The following SYNE2 variants were observed in gnomAD, a reference collection of about 807,000 sequenced individuals.
The protein encoded by SYNE2 is spectrin repeat containing nuclear envelope protein 2.
In SYNE2, 431 loss-of-function variants were observed where a neutral mutation model predicts 856.3. The ratio of observed to expected loss-of-function variants is 0.50; its 90% CI spans 0.47 to 0.55. The LOEUF is 0.55. Among genes scored for constraint, SYNE2 ranks in the 20% least tolerant of loss-of-function variants. The pLI, the probability that SYNE2 is intolerant of heterozygous loss-of-function variation, is 0.00. For synonymous variants in SYNE2, 2,923 were observed against 2,872.3 expected, an observed-to-expected ratio of 1.02 and a Z score of -0.56; for missense variants, 8,129 against 8,023.2, an observed-to-expected ratio of 1.01 and a Z score of -0.50.
chr14:63,918,742 A>T (rs1343200672), intron 2 of SYNE2, among the ~76,000 whole-genome samples: 1 of 152,190 alleles, frequency 6.6e-6, no homozygotes, highest in Non-Finnish European at 1.5e-5. Context: ...GGATTTCATC[A>T]GTGGTGTTGT....
intron 97 of SYNE2, 27 bp downstream of exon 97, chr14:64,186,606 C>T: frequency 1.9e-6 from 3 of 1,613,894 alleles, no homozygotes; most frequent in Non-Finnish European, 2.5e-6. Context: ...CAGGGCACGG[C>T]TGTTTGGGAG....
intron 65 of SYNE2, among the ~76,000 whole-genome samples, chr14:64,111,815 C>T (rs2097810848): frequency 6.6e-6 from 1 of 151,866 alleles, no homozygotes; most frequent in South Asian, 2.1e-4. Flanking sequence ...AAAAAAAGGT[C>T]AGGATTAAAA....
chr14:64,146,811 A>G (rs988441073), intron 84 of SYNE2, among the ~76,000 whole-genome samples: 2 of 152,204 alleles, frequency 1.3e-5, no homozygotes, highest in Non-Finnish European at 2.9e-5. Context: ...GACCTCTGCC[A>G]TCGCCATCAC....
intron 65 of SYNE2, among the ~76,000 whole-genome samples, chr14:64,112,701 G>A (rs1171456524): frequency 1.3e-5 from 2 of 152,134 alleles, no homozygotes; most frequent in African/African-American, 2.4e-5. Context: ...GTATTTTAGG[G>A]ATTCCTTCTG....
In SYNE2 at chr14:64,141,969, A is replaced by C. The variant is rs746864967; in HGVS notation, c.15187A>C (p.Lys5063Gln). The change falls in exon 82 of 116, where the codon AAA (lysine) becomes CAA (glutamine). Residue 5063 changes from lysine (K) to glutamine (Q), a missense_variant. Physicochemically the swap from Lys to Gln is moderately conservative, Grantham distance 53. Transcript: ENST00000555002. The part of the protein sequence containing the change: ...QLQMEKLPSR[K>Q]AITEMISWMN... ...TCAAATGGAGAAATTGCCGTCTCGT[A>C]AAGCAATCACAGAAATGATTAGCTG... The C allele has an allele frequency of 3.8e-5, 62 of 1,614,012 alleles. No individual in the cohort carries two copies. The highest frequency in any genetic ancestry group is 1.6e-4 in the Middle Eastern group (1 of 6,084).
chr14:64,219,435 GA>G (rs1555557004), intron 110 of SYNE2, 25 bp downstream of exon 110: 1 of 1,610,336 alleles, frequency 6.2e-7, no homozygotes, highest in Non-Finnish European at 8.5e-7. Flanking sequence ...TGGTGGGGAA[GA>G]GGGATTCAGA....
intron 1 of SYNE2, among the ~76,000 whole-genome samples, chr14:63,785,988 C>T (rs978539043): frequency 1.3e-5 from 2 of 152,126 alleles, no homozygotes; most frequent in South Asian, 2.1e-4. Flanking sequence ...CAGTGGCTCA[C>T]GCCTGTAATC....
At chr14:64,216,192 C>T in intron 107 of SYNE2, 56 bp from the exon 108 acceptor site, 1 of 1,611,316 alleles carries the variant, frequency 6.2e-7, no homozygotes, top group Non-Finnish European at 8.5e-7. Context: ...TGCCATGTCA[C>T]CCGTGACCCG....
At chr14:63,851,383 CA>C (rs545829991), upstream of SYNE2, among the ~76,000 whole-genome samples, 40 of 152,070 alleles carry the variant, frequency 2.6e-4, 1 homozygote, top group South Asian at 8.1e-3. Context: ...AACGAACAAA[CA>C]AAAAAACCCA....
At chr14:64,217,901 G>A (rs2098674365) in intron 108 of SYNE2, among the ~76,000 whole-genome samples, 1 of 152,200 alleles carries the variant, frequency 6.6e-6, no homozygotes, top group African/African-American at 2.4e-5. Flanking sequence ...TATGTGCGGT[G>A]AAAGATAAAC....
intron 100 of SYNE2, 107 bp from the exon 101 acceptor site, chr14:64,208,651 G>A (rs2098621843): frequency 1.7e-6 from 2 of 1,150,970 alleles, no homozygotes; most frequent in Non-Finnish European, 1.3e-6. Flanking sequence ...ACCCAGGGAA[G>A]TATCCCCTGA....
At position 64,010,076 on chromosome 14, in the gene SYNE2, C is replaced by G. The variant is rs748713876; in HGVS notation, c.4688C>G (p.Ser1563Trp). The G allele has an allele frequency of 4.3e-6, 7 of 1,613,738 alleles. No homozygotes were observed. Among genetic ancestry groups the G allele is most frequent in the Non-Finnish European group, 5.9e-6 (7 of 1,179,848 alleles). The change falls in exon 32 of 116, where the codon TCG (serine) becomes TGG (tryptophan). Residue 1563 changes from serine to tryptophan, a missense_variant. Ser to Trp is a radical substitution (Grantham distance 177). Transcript: ENST00000555002. ...KEESVISLQA[S>W]YMGKENLKKR... ...GAGAGTGTCATCTCCCTGCAGGCTT[C>G]GTACATGGGAAAGGAGAACCTGAAG...
In SYNE2 at chr14:63,804,841, A is replaced by G. The variant is rs190379236; in HGVS notation, c.-305+42855A>G. On this transcript the variant is annotated intron_variant, in intron 1 of 23. Transcript: ENST00000674003. ...TTTTATAGTTTCATTAGGTTGGTGCAAAAGTAACTGTGGTTTTGCCATTAC... is the reference window on the plus strand; with the variant it reads ...TTTTATAGTTTCATTAGGTTGGTGCGAAAGTAACTGTGGTTTTGCCATTAC... Among the ~76,000 whole-genome samples, 619 of 152,256 alleles carry G rather than the reference A, an allele frequency of 4.1e-3. 9 individuals carry two copies. Among genetic ancestry groups the G allele is most frequent in the African/African-American group, 0.014 (583 of 41,544 alleles).
chr14:64,118,624 A>G (rs1485741480), intron 66 of SYNE2, among the ~76,000 whole-genome samples: 1 of 152,128 alleles, frequency 6.6e-6, no homozygotes, highest in African/African-American at 2.4e-5. Flanking sequence ...GCACTTTGGG[A>G]GGCCTAGGTG....
chr14:64,187,560 A>T (rs1184046947), intron 97 of SYNE2, among the ~76,000 whole-genome samples: 1 of 152,106 alleles, frequency 6.6e-6, no homozygotes, highest in Non-Finnish European at 1.5e-5. Context: ...GAAACACAAC[A>T]CTTGTTTTTC....
In SYNE2 at chr14:64,051,793, A is replaced by G. The variant is rs1440652896; in HGVS notation, c.7880A>G (p.Glu2627Gly). 20 of 1,614,082 alleles carry G rather than the reference A, an allele frequency of 1.2e-5. No homozygotes were observed. Among genetic ancestry groups the G allele is most frequent in the Non-Finnish European group, 1.6e-5 (19 of 1,180,038 alleles). ...TCTCAGCAGGTAGTGGAATATGATG[A>G]ATTTACAACCCTCATGAATAAGGTA... ...KYSQQVVEYD[E>G]FTTLMNKVQD... is the part of the protein sequence containing the mutation. Residue 2627 changes from glutamate to glycine, a missense_variant, in exon 48 of 116, where the codon GAA becomes GGA. Physicochemically the swap from Glu to Gly is moderately conservative, Grantham distance 98. Around this residue, in one of 3 missense-constraint regions of SYNE2, gnomAD observed 5,410 missense variants for 5,284.8 expected, o/e 1.02. Coordinates refer to ENST00000555002, the MANE Select transcript of SYNE2 (RefSeq NM_182914.3).
chr14:63,792,607 T>C (rs948749089), intron 1 of SYNE2, among the ~76,000 whole-genome samples: 2 of 152,102 alleles, frequency 1.3e-5, no homozygotes, highest in African/African-American at 4.8e-5. Flanking sequence ...AAATAGACTT[T>C]AAGATTTTTT....
chr14:63,788,605 G>A (rs568569162), intron 1 of SYNE2, among the ~76,000 whole-genome samples: 1 of 152,116 alleles, frequency 6.6e-6, no homozygotes, highest in African/African-American at 2.4e-5. Context: ...CGGTTTGGAC[G>A]GCTGCAGCGG....
chr14:64,190,009 G>T, intron 98 of SYNE2, 62 bp from the exon 99 acceptor site: 1 of 1,574,758 alleles, frequency 6.4e-7, no homozygotes. Flanking sequence ...CTATGTCTGT[G>T]GCTGGAGAAG....
Sources: allele counts gnomAD v4.1 joint callset (sites outside exome capture counted in the v4.1 genomes callset), GRCh38; gene constraint gnomAD v4.1.1; regional missense constraint gnomAD v4.1.1; transcripts MANE v1.5; gene names NCBI Gene and HGNC (gene_info 2026-07-23, HGNC 2026-07-21).